SANBR: variants seen among roughly 807,000 people sequenced by gnomAD.
The protein encoded by SANBR is SANT and BTB domain regulator of CSR, also known as SANT and BTB domain regulator of class switch recombination.
A neutral mutation model predicts 101.8 loss-of-function variants in SANBR; 77 were observed. The observed-to-expected ratio is 0.76, with a 90% CI of 0.63 to 0.91. SANBR has a LOEUF of 0.91. Ranked by LOEUF, SANBR falls within the 40% of genes least tolerant of loss-of-function variation. The probability of loss-of-function intolerance (pLI) is 0.00; values close to 1 mark genes in which losing one functional copy is unlikely to be tolerated. For missense variants in SANBR, 875 were observed against 853.0 expected (o/e 1.03, Z -0.32); for synonymous variants, 279 against 274.7 (o/e 1.02, Z -0.15).
At chr2:61,097,012 G>C (rs1683062986) in intron 11 of SANBR, among the ~76,000 whole-genome samples, 1 of 152,134 alleles carries the variant, frequency 6.6e-6, no homozygotes, top group Admixed American at 6.6e-5. Flanking sequence ...AAACTAGCCA[G>C]GTGTGGTTGT....
intron 10 of SANBR, among the ~76,000 whole-genome samples, chr2:61,090,891 A>G (rs1433784504): frequency 6.6e-6 from 1 of 152,036 alleles, no homozygotes; most frequent in Non-Finnish European, 1.5e-5. Flanking sequence ...ATACATTTAA[A>G]AAATTGTTTT....
chr2:61,092,480 G>C lies in SANBR; in HGVS notation c.1105G>C (p.Val369Leu). The change falls in exon 11 of 22, where the codon GTT becomes CTT. Residue 369 changes from valine to leucine, a missense_variant. By Grantham distance (32) the Val-to-Leu change is conservative (BLOSUM62 1). Transcript: ENST00000402291. ...YIHIRDKTWD[V>L]HEYLNSLFEE... is the part of the protein sequence containing the mutation. The stretch of plus-strand genomic sequence containing the variant: ...TTTCTCCAGAGATAAGACATGGGAT[G>C]TTCATGAGTATTTGAATAGTCTTTT... The C allele has an allele frequency of 1.3e-6, 2 of 1,594,448 alleles. No individual in the cohort carries two copies. Among genetic ancestry groups the C allele is most frequent in the Non-Finnish European group, 1.7e-6 (2 of 1,171,410 alleles).
At chr2:61,107,956 G>A (rs1294114753) in intron 14 of SANBR, among the ~76,000 whole-genome samples, 2 of 151,692 alleles carry the variant, frequency 1.3e-5, no homozygotes, top group Non-Finnish European at 2.9e-5. Context: ...TAGATTTATT[G>A]AATGTCCATA....
chr2:61,134,409 C>A, intron 21 of SANBR: 1 of 852,680 alleles, frequency 1.2e-6, no homozygotes, highest in Non-Finnish European at 1.8e-6. Flanking sequence ...CTTTTGTTTG[C>A]TGCCTATTGA....
chr2:61,108,900 A>G (rs951159908), intron 15 of SANBR, among the ~76,000 whole-genome samples: 1 of 152,210 alleles, frequency 6.6e-6, no homozygotes, highest in Non-Finnish European at 1.5e-5. Context: ...TAATCTTAAT[A>G]TCAAGGAATA....
intron 8 of SANBR, among the ~76,000 whole-genome samples, chr2:61,084,643 GGTT>G (rs1038996106): frequency 6.6e-6 from 1 of 152,124 alleles, no homozygotes; most frequent in African/African-American, 2.4e-5. Context: ...ATCATTTAAG[GGTT>G]GTTTAGGTCA....
chr2:61,134,522 GCA>G (rs1008919447), intron 21 of SANBR, among the ~76,000 whole-genome samples: 1 of 152,178 alleles, frequency 6.6e-6, no homozygotes, highest in African/African-American at 2.4e-5. Context: ...GCACACTTTA[GCA>G]GTCTCATGTT....
Position 61,092,385 on chromosome 2 carries a change from A to C in SANBR, c.1089-79A>C, listed in dbSNP as rs375451536. 12 of 1,134,988 alleles carry C rather than the reference A, an allele frequency of 1.1e-5. No individual in the cohort carries two copies. In the African/African-American group the frequency reaches 1.8e-4, roughly 17 times the overall value. The allele number at this position is 1,134,988 out of a possible 1,614,324, so 70.3% of individuals were successfully genotyped here. Reference sequence around the variant, plus strand: ...GGCAACAAGAGTGAAACTCCATCTCAAAGAAGATAATAATTAAATAAATAA... The same window carrying C: ...GGCAACAAGAGTGAAACTCCATCTCCAAGAAGATAATAATTAAATAAATAA... On this transcript the variant is annotated intron_variant, in intron 10 of 21. Transcript: ENST00000402291.
intron 10 of SANBR, chr2:61,089,377 G>C (rs768461449): frequency 6.3e-6 from 1 of 158,304 alleles, no homozygotes; most frequent in Non-Finnish European, 1.4e-5. Context: ...ATGGTGGTGG[G>C]TGCCTGTAGT....
intron 11 of SANBR, 27 bp from the exon 12 acceptor site, chr2:61,097,673 A>G (rs1185459627): frequency 1.3e-6 from 2 of 1,500,388 alleles, no homozygotes; most frequent in Admixed American, 1.9e-5. Flanking sequence ...TGGAAATAGT[A>G]GTTGATTTTA....
intron 12 of SANBR, among the ~76,000 whole-genome samples, chr2:61,100,914 G>A (rs1683251515): frequency 6.6e-6 from 1 of 152,170 alleles, no homozygotes; most frequent in South Asian, 2.1e-4. Context: ...TACAGGCAGG[G>A]AGAAGATGGG....
intron 10 of SANBR, chr2:61,090,653 ACCATGGGTGTGCATCACCATG>A (rs1436162225): frequency 6.5e-6 from 1 of 153,280 alleles, no homozygotes; most frequent in African/African-American, 2.4e-5. Flanking sequence ...CTGAGCTAGG[ACCATGGGTGTGCATCACCATG>A]CCTGGCAACC....
At chr2:61,131,775 C>T (rs917072741) in intron 20 of SANBR, among the ~76,000 whole-genome samples, 4 of 152,168 alleles carry the variant, frequency 2.6e-5, no homozygotes, top group African/African-American at 7.2e-5. Flanking sequence ...TTTACACTTT[C>T]CCATTTCCAA....
At chr2:61,067,553 T>C (rs562966400) in intron 1 of SANBR, among the ~76,000 whole-genome samples, 4 of 152,084 alleles carry the variant, frequency 2.6e-5, no homozygotes, top group Non-Finnish European at 5.9e-5. Context: ...CTGGCCAACA[T>C]GGTGAAACCC....
chr2:61,076,839 T>C (rs2104858720), intron 5 of SANBR, 81 bp from the exon 6 acceptor site: 1 of 959,804 alleles, frequency 1.0e-6, no homozygotes, highest in South Asian at 1.5e-5. Context: ...TCTTGTTCTC[T>C]TCCCTTCACT....
downstream of SANBR, among the ~76,000 whole-genome samples, chr2:61,127,015 C>G (rs1684533794): frequency 6.6e-6 from 1 of 152,138 alleles, no homozygotes; most frequent in Non-Finnish European, 1.5e-5. Context: ...AAATATTCAT[C>G]CAAGTCACTC....
Position 61,088,157 on chromosome 2 carries a change from A to C in SANBR, c.891-2A>C. 6.3e-7 allele frequency: 1 copy of C among 1,588,078 alleles called. No homozygotes were observed. Among genetic ancestry groups the C allele is most frequent in the Non-Finnish European group, 8.6e-7 (1 of 1,167,248 alleles). ...AATATTTTGGTCATTTGTTGTTAATAGCAAACTTTTTTGTAAGAAGATTGA... is the reference window on the plus strand; with the variant it reads ...AATATTTTGGTCATTTGTTGTTAATCGCAAACTTTTTTGTAAGAAGATTGA... On this transcript the variant is annotated splice_acceptor_variant, in intron 8 of 21. Transcript: ENST00000402291. LOFTEE classifies it high-confidence loss of function.
chr2:61,123,245 T>G lies in SANBR; in HGVS notation c.*1083T>G. On this transcript the variant is annotated 3_prime_UTR_variant, in exon 22 of 22. Coordinates refer to ENST00000402291, the MANE Select transcript of SANBR (RefSeq NM_001129993.3). ...ACTTTAAGATGCACTGTTTCTATTTTTTTAAGTCTTAATTTGCCTTATAAC... is the reference window on the plus strand; with the variant it reads ...ACTTTAAGATGCACTGTTTCTATTTGTTTAAGTCTTAATTTGCCTTATAAC... The G allele has an allele frequency of 1.0e-6, 1 of 975,446 alleles. No individual in the cohort carries two copies. The highest frequency in any genetic ancestry group is 1.2e-6 in the Non-Finnish European group (1 of 820,712). 60.4% of individuals were successfully genotyped at this position (975,446 alleles called of 1,614,324 possible).
chr2:61,132,505 A>G (rs1162203016), intron 20 of SANBR, among the ~76,000 whole-genome samples: 3 of 152,212 alleles, frequency 2.0e-5, no homozygotes, highest in African/African-American at 4.8e-5. Context: ...TATAAGCAAA[A>G]AGCTACATAA....
Sources: gnomAD v4.1 joint callset for allele counts (sites outside exome capture counted in the v4.1 genomes callset) on GRCh38, gnomAD v4.1.1 for gene constraint, MANE v1.5 for transcripts, NCBI Gene and HGNC (gene_info 2026-07-23, HGNC 2026-07-21) for gene names.